ARAP2: variants seen among roughly 807,000 people sequenced by gnomAD.
ARAP2 encodes the protein arf-GAP with Rho-GAP domain, ANK repeat and PH domain-containing protein 2.
Under a neutral mutation model 194.5 loss-of-function variants are expected in ARAP2, and 148 were observed. The ratio of observed to expected loss-of-function variants is 0.76; its 90% CI spans 0.67 to 0.87. The LOEUF is 0.87. Ranked by LOEUF, ARAP2 falls within the 40% of genes least tolerant of loss-of-function variation. The probability of loss-of-function intolerance (pLI) is 0.00; values close to 1 mark genes in which losing one functional copy is unlikely to be tolerated. For synonymous variants in ARAP2, 695 were observed against 683.5 expected, an observed-to-expected ratio of 1.02 and a Z score of -0.26; for missense variants, 2,128 against 1,989.7, an observed-to-expected ratio of 1.07 and a Z score of -1.32.
intron 26 of ARAP2, among the ~76,000 whole-genome samples, chr4:36,112,655 T>C (rs1301186892): frequency 6.6e-6 from 1 of 151,546 alleles, no homozygotes; most frequent in Non-Finnish European, 1.5e-5. Context: ...ATTTTATGGC[T>C]CCTATATACT....
intron 2 of ARAP2, among the ~76,000 whole-genome samples, chr4:36,054,583 C>T (rs1234890252): frequency 3.3e-5 from 5 of 152,026 alleles, no homozygotes; most frequent in Non-Finnish European, 5.9e-5. Context: ...GCTTGACTTC[C>T]AGTATAAAAT....
chr4:36,065,558 C>T (rs776688810), downstream of ARAP2: 12 of 229,308 alleles, frequency 5.2e-5, no homozygotes, highest in Non-Finnish European at 9.3e-5. Context: ...TGGGCCTCAC[C>T]AGTCAGCTCC....
chr4:36,060,051 G>A (rs1331643755), intron 1 of ARAP2, among the ~76,000 whole-genome samples: 1 of 152,178 alleles, frequency 6.6e-6, no homozygotes, highest in Non-Finnish European at 1.5e-5. Flanking sequence ...ATCCTCCCCA[G>A]TGAGATATAA....
chr4:36,023,743 TAGAC>T (rs1478194598), intron 5 of ARAP2, among the ~76,000 whole-genome samples: 3 of 152,164 alleles, frequency 2.0e-5, no homozygotes, highest in Non-Finnish European at 4.4e-5. Flanking sequence ...GCAGAGACCT[TAGAC>T]AGTGCTGAAA....
At chr4:36,136,818 T>TGTGC (rs760185590) in intron 19 of ARAP2, among the ~76,000 whole-genome samples, 159 of 141,072 alleles carry the variant, frequency 1.1e-3, no homozygotes, top group Non-Finnish European at 2.1e-3. Flanking sequence ...TGTGTGTGTG[T>TGTGC]GCGTGTCTGT....
rs762839990 is a variant in ARAP2, at chr4:36,117,224, A to G, written c.3964-89T>C. On this transcript the variant is annotated intron_variant, in intron 24 of 32. Transcript: ENST00000303965. ...TGAAGACAGCTATAAAGCCCCAGTC[A>G]TATTTCTGAATATTTTATAACAATG... 87 of 833,264 alleles carry G rather than the reference A, an allele frequency of 1.0e-4. 1 individual carries two copies. Among genetic ancestry groups the G allele is most frequent in the Non-Finnish European group, 1.4e-4 (79 of 574,734 alleles). 51.6% of individuals were successfully genotyped at this position (833,264 alleles called of 1,614,324 possible).
At chr4:36,076,755 C>T (rs1336839338) in intron 31 of ARAP2, among the ~76,000 whole-genome samples, 1 of 152,046 alleles carries the variant, frequency 6.6e-6, no homozygotes, top group East Asian at 1.9e-4. Context: ...CAAACCTGTG[C>T]CTGAGTTTTT....
intron 32 of ARAP2, 143 bp downstream of exon 32, chr4:36,073,545 GC>G: frequency 1.1e-6 from 1 of 922,808 alleles, no homozygotes; most frequent in South Asian, 2.0e-5. Context: ...CTGTTTTCTT[GC>G]TGTATGTGAT....
intron 10 of ARAP2, chr4:36,005,435 T>C (rs527940703): frequency 6.6e-6 from 1 of 152,290 alleles, no homozygotes; most frequent in South Asian, 2.1e-4. Context: ...AAGAGGCTTA[T>C]AATTTTCACT....
At chr4:36,210,039 A>C (rs2109266629) in intron 6 of ARAP2, among the ~76,000 whole-genome samples, 1 of 152,358 alleles carries the variant, frequency 6.6e-6, no homozygotes, top group Middle Eastern at 3.4e-3. Context: ...GTGTGGGCTG[A>C]GTAATACTAA....
intron 25 of ARAP2, 46 bp from the exon 26 acceptor site, chr4:36,114,333 A>G (rs777861427): frequency 8.3e-7 from 1 of 1,199,964 alleles, no homozygotes. Flanking sequence ...TAGACACAGA[A>G]GTAGCCTTAT....
intron 24 of ARAP2, among the ~76,000 whole-genome samples, 175 bp downstream of exon 24, chr4:36,119,474 AT>A (rs1456741493): frequency 6.6e-6 from 1 of 151,134 alleles, no homozygotes; most frequent in East Asian, 1.9e-4. Flanking sequence ...ACATTAACAT[AT>A]TTTGCATATA....
intron 7 of ARAP2, among the ~76,000 whole-genome samples, chr4:36,189,668 T>G (rs953407639): frequency 6.6e-6 from 1 of 152,160 alleles, no homozygotes; most frequent in African/African-American, 2.4e-5. Flanking sequence ...GCTGTTTAAC[T>G]TTCTGTTCCT....
Position 36,150,640 on chromosome 4 carries a change from C to CA in ARAP2, c.2897+259dup, listed in dbSNP as rs1170061867. ...TGGGTGATAGAGCGAGACTCCATCTCAAAAAAAAAAAAATTTACATAAGAT... is the reference window on the plus strand; with the variant it reads ...TGGGTGATAGAGCGAGACTCCATCTCAAAAAAAAAAAAAATTTACATAAGAT... On this transcript the variant is annotated intron_variant, in intron 16 of 32. Coordinates refer to ENST00000303965, the MANE Select transcript of ARAP2 (RefSeq NM_015230.4). Among the ~76,000 whole-genome samples the CA allele has an allele frequency of 6.6e-3, 909 of 138,056 alleles. 1 individual carries two copies. The highest frequency in any genetic ancestry group is 0.01 in the African/African-American group (378 of 37,774). The allele number at this position is 138,056 out of a possible 152,430, so 90.6% of individuals were successfully genotyped here. A position where few individuals can be genotyped will look rare whatever the true frequency, so the allele number is the denominator to read the frequency against.
chr4:36,181,577 A>C (rs1317247423), intron 8 of ARAP2, among the ~76,000 whole-genome samples: 3 of 152,216 alleles, frequency 2.0e-5, no homozygotes, highest in African/African-American at 7.2e-5. Flanking sequence ...TTTACTTCTG[A>C]TATGTTAATA....
chr4:36,198,230 A>T (rs1326707449), intron 6 of ARAP2, among the ~76,000 whole-genome samples: 2 of 152,126 alleles, frequency 1.3e-5, no homozygotes, highest in African/African-American at 4.8e-5. Context: ...GGCCATGGGT[A>T]GCTCCTCCCT....
At chr4:36,064,689 C>T (rs1725103726), downstream of ARAP2, among the ~76,000 whole-genome samples, 1 of 152,132 alleles carries the variant, frequency 6.6e-6, no homozygotes, top group African/African-American at 2.4e-5. Flanking sequence ...GCTCTGGTGA[C>T]CCCAGACCCT....
intron 27 of ARAP2, among the ~76,000 whole-genome samples, chr4:36,103,377 G>A (rs1217056515): frequency 6.6e-6 from 1 of 151,520 alleles, no homozygotes; most frequent in Non-Finnish European, 1.5e-5. Context: ...TACGCAACTT[G>A]AGATTATTTA....
At chr4:36,085,800 T>C (rs2083246654) in intron 28 of ARAP2, among the ~76,000 whole-genome samples, 1 of 152,138 alleles carries the variant, frequency 6.6e-6, no homozygotes, top group South Asian at 2.1e-4. Flanking sequence ...ACATCAATTT[T>C]ACTCCTATCA....
Sources: gnomAD v4.1 joint callset for allele counts (sites outside exome capture counted in the v4.1 genomes callset) on GRCh38, gnomAD v4.1.1 for gene constraint, MANE v1.5 for transcripts, NCBI Gene and HGNC (gene_info 2026-07-23, HGNC 2026-07-21) for gene names.